PTBP1: variants seen among roughly 807,000 people sequenced by gnomAD.
The protein encoded by PTBP1 is polypyrimidine tract binding protein 1.
A neutral mutation model predicts 59.8 loss-of-function variants in PTBP1; 8 were observed. The observed-to-expected ratio is 0.13, with a 90% CI of 0.08 to 0.24. PTBP1 has a LOEUF of 0.24. Among genes scored for constraint, PTBP1 ranks in the 10% least tolerant of loss-of-function variants. PTBP1 has a pLI of 1.00. For synonymous variants in PTBP1, 490 were observed against 320.7 expected, an observed-to-expected ratio of 1.53 and a Z score of -5.64; for missense variants, 686 against 767.0, an observed-to-expected ratio of 0.89 and a Z score of 1.25.
rs2034714963 is a variant in PTBP1 at position 808,942 on chromosome 19, G to A, written c.1463+180G>A. Among the ~76,000 whole-genome samples the A allele has an allele frequency of 1.3e-5, 2 of 152,194 alleles. No individual in the cohort carries two copies. The highest frequency in any genetic ancestry group is 4.8e-5 in the African/African-American group (2 of 41,434). ...AGCCGAGGGCTGCTCAAGGGAGGGGGTCGTTGGACACTTTGGAGGTTTTGG... is the reference window on the plus strand; with the variant it reads ...AGCCGAGGGCTGCTCAAGGGAGGGGATCGTTGGACACTTTGGAGGTTTTGG... On this transcript the variant is annotated intron_variant, in intron 13 of 14. Transcript: ENST00000356948. The surrounding 1 kb of genome is among the most constrained non-coding windows in gnomAD (Gnocchi z 4.7).
rs1454551885 is a variant in PTBP1, at chr19:808,302, G to A, written c.1154-58G>A. The A allele has an allele frequency of 6.8e-5, 96 of 1,405,810 alleles. No homozygotes were observed. Among genetic ancestry groups the A allele is most frequent in the Non-Finnish European group, 8.5e-5 (86 of 1,015,886 alleles). The allele number at this position is 1,405,810 out of a possible 1,614,324, so 87.1% of individuals were successfully genotyped here. On this transcript the variant is annotated intron_variant, in intron 11 of 14. Coordinates refer to ENST00000356948, the MANE Select transcript of PTBP1 (RefSeq NM_002819.5). The surrounding 1 kb of genome is among the most constrained non-coding windows in gnomAD (Gnocchi z 4.7). ...GGGGGTGCGCGGGGCCGGGGCTGAC[G>A]GGGAGATGGGCGGGGCAGGCAGCAG...
intron 13 of PTBP1, among the ~76,000 whole-genome samples, chr19:810,081 C>G (rs552715534): frequency 2.6e-3 from 396 of 152,246 alleles, no homozygotes; most frequent in African/African-American, 9.0e-3. Flanking sequence ...CCGAGGCAGG[C>G]AGATCACCTG....
Position 808,108 on chromosome 19 carries a change from A to G in PTBP1, c.1153+206A>G, listed in dbSNP as rs2034662400. The G allele has an allele frequency of 1.6e-6, 1 of 639,032 alleles. No homozygotes were observed. Among genetic ancestry groups the G allele is most frequent in the African/African-American group, 1.8e-5 (1 of 54,766 alleles). 39.6% of individuals were successfully genotyped at this position (639,032 alleles called of 1,614,324 possible). A position where few individuals can be genotyped will look rare whatever the true frequency, so the allele number is the denominator to read the frequency against. On this transcript the variant is annotated intron_variant, in intron 11 of 14. Coordinates refer to ENST00000356948, the MANE Select transcript of PTBP1 (RefSeq NM_002819.5). The surrounding 1 kb of genome is among the most constrained non-coding windows in gnomAD (Gnocchi z 4.7). ...ATCGCCCTGCATGCTTTTCAGAGTT[A>G]GACCTGTCGGTGGCATATGCCACCG... is the stretch of plus-strand genomic sequence containing the variant.
chr19:801,374 G>A (rs925394915), intron 2 of PTBP1, among the ~76,000 whole-genome samples: 1 of 152,246 alleles, frequency 6.6e-6, no homozygotes, highest in African/African-American at 2.4e-5. Flanking sequence ...GGCCTGTGCC[G>A]CCTGGGCAGG....
chr19:799,820 G>A (rs1166382568), intron 2 of PTBP1, among the ~76,000 whole-genome samples: 5 of 152,230 alleles, frequency 3.3e-5, no homozygotes, highest in Non-Finnish European at 5.9e-5. Flanking sequence ...GTTTTGATAG[G>A]AAAAGAGCCA....
chr19:799,382 C>G, intron 1 of PTBP1, 31 bp from the exon 2 acceptor site: 27 of 1,612,184 alleles, frequency 1.7e-5, no homozygotes, highest in Non-Finnish European at 2.3e-5. Flanking sequence ...GGCCACCAGG[C>G]TAACGTTGTC....
rs765164475 is a variant in PTBP1, at chr19:806,506, C to T, written c.1069C>T (p.Leu357=). Residue 357 remains leucine, a synonymous_variant, in exon 10 of 15, where the codon CTG becomes TTG. Transcript: ENST00000356948. ...AAAGRIAIPG[L]AGAGNSVLLV... ...GGCAGGTCGGATCGCCATCCCGGGC[C>T]TGGCGGGGGCAGGAAATTCTGTATT... 2.1e-5 allele frequency: 33 copies of T among 1,570,118 alleles called. No homozygotes were observed. The highest frequency in any genetic ancestry group is 1.7e-4 in the Middle Eastern group (1 of 5,884).
chr19:798,070 G>T (rs898008371), intron 1 of PTBP1, among the ~76,000 whole-genome samples: 2 of 151,674 alleles, frequency 1.3e-5, no homozygotes, highest in African/African-American at 4.8e-5. Flanking sequence ...CTCGCCGCGG[G>T]CCCGAGTCTC....
At chr19:805,248 G>T in intron 8 of PTBP1, 61 bp downstream of exon 8, 1 of 1,576,616 alleles carries the variant, frequency 6.3e-7, no homozygotes, top group East Asian at 2.2e-5. Context: ...CGCTCAGTCC[G>T]GAGCCCCGGC....
In PTBP1 at chr19:811,447, CA is replaced by C. The variant is rs1201011328; in HGVS notation, c.*622del. On this transcript the variant is annotated 3_prime_UTR_variant, in exon 15 of 15. Coordinates refer to ENST00000356948, the MANE Select transcript of PTBP1 (RefSeq NM_002819.5). Reference sequence around the variant, plus strand: ...CATAATCTCTGTATTATATACTTTGCAGTTGCAGACGTCTGTGCCTAGCAAT... The same window carrying C: ...CATAATCTCTGTATTATATACTTTGCGTTGCAGACGTCTGTGCCTAGCAAT... 6.6e-6 allele frequency: 1 copy of C among 152,486 alleles called. No homozygotes were observed. The highest frequency in any genetic ancestry group is 1.5e-5 in the Non-Finnish European group (1 of 68,042). The allele number at this position is 152,486 out of a possible 1,614,324, so 9.4% of individuals were successfully genotyped here. A position where few individuals can be genotyped will look rare whatever the true frequency, so the allele number is the denominator to read the frequency against.
At position 804,567 on chromosome 19, in the gene PTBP1, C is replaced by T. The variant is rs1272363702; in HGVS notation, c.471C>T (p.Val157=). The change falls in exon 6 of 15, where the codon GTC becomes GTT. Residue 157 remains valine (V), a synonymous_variant. Coordinates refer to ENST00000356948, the MANE Select transcript of PTBP1 (RefSeq NM_002819.5). Reference sequence around the variant, plus strand: ...CGGCCCTGCAGGCGGTGAACTCGGTCCAGTCGGGGAACCTGGCCTTGGCTG... The same window carrying T: ...CGGCCCTGCAGGCGGTGAACTCGGTTCAGTCGGGGAACCTGGCCTTGGCTG... The part of the protein sequence containing the change: ...AQAALQAVNS[V]QSGNLALAAS... 4.4e-6 allele frequency: 7 copies of T among 1,608,928 alleles called. No homozygotes were observed. Among genetic ancestry groups the T allele is most frequent in the Non-Finnish European group, 5.9e-6 (7 of 1,178,978 alleles).
At chr19:799,913 G>GT (rs1244538246) in intron 2 of PTBP1, among the ~76,000 whole-genome samples, 1 of 151,944 alleles carries the variant, frequency 6.6e-6, no homozygotes, top group South Asian at 2.1e-4. Context: ...TTGACGTTAA[G>GT]TTTTTTTGTT....
Position 808,474 on chromosome 19 carries a change from G to C in PTBP1, c.1246+22G>C, listed in dbSNP as rs149887681. On this transcript the variant is annotated intron_variant, in intron 12 of 14. Coordinates refer to ENST00000356948, the MANE Select transcript of PTBP1 (RefSeq NM_002819.5). This position sits in a 1 kb window ranked among gnomAD's most constrained non-coding sequence, Gnocchi z 4.7. ...CTGGGTAAGAGGCCGGGGCGGCCCC[G>C]GGGTGGAGGGGGCAGGGGCGGGGGC... 1.3e-6 allele frequency: 2 copies of C among 1,573,146 alleles called. No individual in the cohort carries two copies. Among genetic ancestry groups the C allele is most frequent in the Non-Finnish European group, 1.7e-6 (2 of 1,160,736 alleles).
rs983269232 is a variant in PTBP1 at position 810,944 on chromosome 19, G to T, written c.*118G>T. On this transcript the variant is annotated 3_prime_UTR_variant, in exon 15 of 15. Transcript: ENST00000356948. ...ACCAGAGATTTTATTTTTTTAAAGA[G>T]AAATCAGTTTACCTGTTTTTAAAAA... 9.0e-6 allele frequency: 10 copies of T among 1,113,680 alleles called. 1 individual carries two copies. In the South Asian group the frequency reaches 9.2e-5, roughly 10 times the overall value. 69.0% of individuals were successfully genotyped at this position (1,113,680 alleles called of 1,614,324 possible).
rs982911096 is a variant in PTBP1, at chr19:807,949, A to G, written c.1153+47A>G. 4.0e-6 allele frequency: 6 copies of G among 1,509,182 alleles called. No individual in the cohort carries two copies. The African/African-American group carries it at 6.9e-5, about 17-fold the overall frequency. 93.5% of individuals were successfully genotyped at this position (1,509,182 alleles called of 1,614,324 possible). ...TATTACCTTGTTTTCATTAATTGAGATGATTTTGATGCCCTGAGACGTATT... is the reference window on the plus strand; with the variant it reads ...TATTACCTTGTTTTCATTAATTGAGGTGATTTTGATGCCCTGAGACGTATT... On this transcript the variant is annotated intron_variant, in intron 11 of 14. Coordinates refer to ENST00000356948, the MANE Select transcript of PTBP1 (RefSeq NM_002819.5).
In PTBP1 at chr19:808,905, G is replaced by A. The variant is rs570868890; in HGVS notation, c.1463+143G>A. The A allele has an allele frequency of 2.4e-4, 183 of 778,588 alleles. No individual in the cohort carries two copies. Among genetic ancestry groups the A allele is most frequent in the Non-Finnish European group, 3.4e-4 (162 of 480,332 alleles). The allele number at this position is 778,588 out of a possible 1,614,324, so 48.2% of individuals were successfully genotyped here. A position where few individuals can be genotyped will look rare whatever the true frequency, so the allele number is the denominator to read the frequency against. On this transcript the variant is annotated intron_variant, in intron 13 of 14. Transcript: ENST00000356948. The surrounding 1 kb of genome is among the most constrained non-coding windows in gnomAD (Gnocchi z 4.7). ...TACCCCAAACCTGAAGTACTGCAAGGCCTGGAGCTTGAGCCGAGGGCTGCT... is the reference window on the plus strand; with the variant it reads ...TACCCCAAACCTGAAGTACTGCAAGACCTGGAGCTTGAGCCGAGGGCTGCT...
intron 2 of PTBP1, among the ~76,000 whole-genome samples, chr19:800,040 C>G (rs1173429951): frequency 6.6e-6 from 1 of 151,916 alleles, no homozygotes; most frequent in Non-Finnish European, 1.5e-5. Flanking sequence ...GATTCTCCTG[C>G]CTCAACCTCC....
chr19:806,521 A>C lies in PTBP1; in HGVS notation c.1084A>C (p.Asn362His). 1 of 1,560,904 alleles carries C rather than the reference A, an allele frequency of 6.4e-7. No homozygotes were observed. ...CATCCCGGGCCTGGCGGGGGCAGGA[A>C]ATTCTGTATTGCTGGTCAGCAACCT... ...IAIPGLAGAG[N>H]SVLLVSNLNP... is the part of the protein sequence containing the mutation. The change falls in exon 10 of 15, where the codon AAT becomes CAT. Residue 362 changes from asparagine (N) to histidine (H), a missense_variant. Asn to His is a moderately conservative substitution (Grantham distance 68). Transcript: ENST00000356948.
At chr19:809,308 ATTTAT>A (rs2034738948) in intron 13 of PTBP1, among the ~76,000 whole-genome samples, 1 of 65,276 alleles carries the variant, frequency 1.5e-5, no homozygotes, top group African/African-American at 1.5e-4. Context: ...GCCTAGCCAC[ATTTAT>A]TTATTTATTT....
Sources: allele counts gnomAD v4.1 joint callset (sites outside exome capture counted in the v4.1 genomes callset), GRCh38; gene constraint gnomAD v4.1.1; non-coding constraint Gnocchi (gnomAD v3.1); transcripts MANE v1.5; gene names NCBI Gene and HGNC (gene_info 2026-07-23, HGNC 2026-07-21).